Variants in NUP205 observed in about 807,000 individuals in gnomAD.
The protein encoded by NUP205 is nuclear pore complex protein Nup205.
A neutral mutation model predicts 253.8 loss-of-function variants in NUP205; 76 were observed. The observed-to-expected ratio is 0.30, with a 90% CI of 0.25 to 0.36. The LOEUF is 0.36. NUP205 is among the 10% of genes least tolerant of loss of function. NUP205 has a pLI of 1.00. For synonymous variants in NUP205, 832 were observed against 850.1 expected (o/e 0.98, Z 0.37); for missense variants, 2,162 against 2,425.5 (o/e 0.89, Z 2.28).
chr7:135,642,478 G>C (rs918744713), intron 38 of NUP205, among the ~76,000 whole-genome samples: 6 of 151,980 alleles, frequency 3.9e-5, no homozygotes, highest in Non-Finnish European at 7.4e-5. Context: ...CACCGTGCCT[G>C]TCCTAGGATA....
intron 3 of NUP205, 77 bp from the exon 4 acceptor site, chr7:135,576,193 T>C: frequency 1.6e-6 from 2 of 1,272,460 alleles, no homozygotes; most frequent in Non-Finnish European, 2.3e-6. Context: ...GAACTGAACA[T>C]TGTTATATTG....
intron 39 of NUP205, 84 bp from the exon 40 acceptor site, chr7:135,644,811 T>C (rs2129492670): frequency 7.7e-7 from 1 of 1,304,078 alleles, no homozygotes; most frequent in African/African-American, 1.5e-5. Flanking sequence ...ATAGCATTTA[T>C]CATGGTGACC....
In NUP205 at chr7:135,591,477, A is replaced by G; in HGVS notation, c.1501A>G (p.Met501Val). 1 of 1,613,794 alleles carries G rather than the reference A, an allele frequency of 6.2e-7. No homozygotes were observed. Among genetic ancestry groups the G allele is most frequent in the Non-Finnish European group, 8.5e-7 (1 of 1,179,780 alleles). Residue 501 changes from methionine to valine, a missense_variant, in exon 11 of 43, where the codon ATG becomes GTG. This residue lies in a region of NUP205 where 892 missense variants were observed against 957.1 expected (regional missense o/e 0.93). Transcript: ENST00000285968. Reference protein sequence around the residue: ...QVVLSKFVRQMGDLLPPTIYI... With the variant: ...QVVLSKFVRQVGDLLPPTIYI... The stretch of plus-strand genomic sequence containing the variant: ...TGTCTTGTCAAAGTTTGTTAGGCAA[A>G]TGGGTGACCTGTTGCCTCCAACTAT...
At chr7:135,603,218 C>T (rs1036781740) in intron 18 of NUP205, among the ~76,000 whole-genome samples, 9 of 148,290 alleles carry the variant, frequency 6.1e-5, no homozygotes, top group African/African-American at 1.5e-4. Flanking sequence ...TGGATTCAAG[C>T]GATTCTCCTG....
At chr7:135,600,144 A>C (rs1401338929) in intron 15 of NUP205, among the ~76,000 whole-genome samples, 1 of 152,214 alleles carries the variant, frequency 6.6e-6, no homozygotes, top group Non-Finnish European at 1.5e-5. Context: ...TCTTATTAAA[A>C]TTCTATGTAG....
rs1199570955 is a variant in NUP205, at chr7:135,600,919, A to G, written c.2324A>G (p.Asp775Gly). 3 of 1,611,916 alleles carry G rather than the reference A, an allele frequency of 1.9e-6. No individual in the cohort carries two copies. The Admixed American group carries it at 5.0e-5, about 27-fold the overall frequency. ...VLEVFYKLLR[D>G]YEPQLEDFVD... The stretch of plus-strand genomic sequence containing the variant: ...GAGGTGTTTTATAAATTGCTCAGAG[A>G]TTATGAGCCTCAGCTTGAAGATTTT... Residue 775 changes from aspartate (D) to glycine (G), a missense_variant, in exon 16 of 43, where the codon GAT (aspartate) becomes GGT (glycine). Asp to Gly is a moderately conservative substitution (Grantham distance 94, BLOSUM62 -1). Transcript: ENST00000285968.
chr7:135,628,212 G>C (rs1794635814), intron 34 of NUP205, 101 bp downstream of exon 34: 3 of 1,148,784 alleles, frequency 2.6e-6, no homozygotes, highest in Non-Finnish European at 2.4e-6. Flanking sequence ...ATTTACGTTA[G>C]TCCTAATGTT....
intron 30 of NUP205, 32 bp downstream of exon 30, chr7:135,619,920 G>A (rs1341896250): frequency 7.4e-7 from 1 of 1,357,372 alleles, no homozygotes; most frequent in Non-Finnish European, 1.0e-6. Context: ...ATCTTTTCTG[G>A]ATTGGGAGAT....
Position 135,593,211 on chromosome 7 carries a change from G to A in NUP205, c.1830+19G>A. ...TACTTGGGTAGGTAACTCATCCCCA[G>A]CATAATTTTATTTTTATTATAGCAC... On this transcript the variant is annotated intron_variant, in intron 12 of 42. Coordinates refer to ENST00000285968, the MANE Select transcript of NUP205 (RefSeq NM_015135.3). The A allele has an allele frequency of 6.2e-7, 1 of 1,604,622 alleles. No individual in the cohort carries two copies.
chr7:135,629,480 T>C (rs1794660690), intron 34 of NUP205, among the ~76,000 whole-genome samples: 2 of 113,762 alleles, frequency 1.8e-5, no homozygotes, highest in South Asian at 3.5e-4. Context: ...TCTCTCTCTC[T>C]CTCTCTCTCT....
Position 135,622,922 on chromosome 7 carries a change from A to T in NUP205, c.4476A>T (p.Gly1492=), listed in dbSNP as rs766094615. ...CRDACDGHEI[G]RMLALALLDR... ...ATGCTTGTGATGGTCATGAGATTGG[A>T]AGGGTAAAGCAACTCTTATTTAGTA... is the stretch of plus-strand genomic sequence containing the variant. Residue 1492 remains glycine (G), a synonymous_variant, in exon 31 of 43, where the codon GGA becomes GGT. Coordinates refer to ENST00000285968, the MANE Select transcript of NUP205 (RefSeq NM_015135.3). 2 of 1,613,876 alleles carry T rather than the reference A, an allele frequency of 1.2e-6. No individual in the cohort carries two copies. Among genetic ancestry groups the T allele is most frequent in the Admixed American group, 3.3e-5 (2 of 59,978 alleles).
In NUP205 at chr7:135,619,812, G is replaced by C. The variant is rs561232855; in HGVS notation, c.4254G>C (p.Arg1418Ser). ...TAGGTGGTGGATTCCAACGAGTGAG[G>C]ACTCACTTGTATGGCTCTCTGCTTT... ...LKTGGGFQRV[R>S]THLYGSLLYY... The change falls in exon 30 of 43, where the codon AGG becomes AGC. Residue 1418 changes from arginine (R) to serine (S), a missense_variant. Physicochemically the swap from Arg to Ser is moderately radical, Grantham distance 110. Transcript: ENST00000285968. 1.2e-6 allele frequency: 2 copies of C among 1,612,398 alleles called. No individual in the cohort carries two copies. Among genetic ancestry groups the C allele is most frequent in the Non-Finnish European group, 1.7e-6 (2 of 1,178,880 alleles).
At chr7:135,636,070 G>T (rs1794805275) in intron 36 of NUP205, among the ~76,000 whole-genome samples, 2 of 151,936 alleles carry the variant, frequency 1.3e-5, no homozygotes, top group Non-Finnish European at 2.9e-5. Context: ...TTATTTGCTT[G>T]GTTTTTATGT....
intron 1 of NUP205, among the ~76,000 whole-genome samples, chr7:135,567,124 G>GTATATA (rs1310178860): frequency 7.8e-4 from 19 of 24,230 alleles, no homozygotes; most frequent in East Asian, 3.2e-3. Context: ...CTCAGTCTAT[G>GTATATA]TGTGTATATA....
In NUP205 at chr7:135,598,223, A is replaced by C. The variant is rs770296410; in HGVS notation, c.2274+16A>C. On this transcript the variant is annotated intron_variant, in intron 15 of 42. Transcript: ENST00000285968. ...AGCTGAAAAGGTTATGTTCAGAGAA[A>C]AGCTTTTTTCTCCTTATGCATTTAC... The C allele has an allele frequency of 3.7e-6, 6 of 1,609,314 alleles. No individual in the cohort carries two copies. The highest frequency in any genetic ancestry group is 4.2e-6 in the Non-Finnish European group (5 of 1,176,742).
At chr7:135,567,610 CA>C (rs199786519) in intron 1 of NUP205, among the ~76,000 whole-genome samples, 11 of 144,232 alleles carry the variant, frequency 7.6e-5, no homozygotes, top group Admixed American at 6.9e-5. Context: ...GACCCTGTCT[CA>C]AAAAAAAAAT....
At chr7:135,581,389 A>T (rs942300220) in intron 7 of NUP205, among the ~76,000 whole-genome samples, 9 of 152,056 alleles carry the variant, frequency 5.9e-5, no homozygotes, top group African/African-American at 2.2e-4. Flanking sequence ...TCAAAAAATT[A>T]AAAATTAGCC....
At chr7:135,606,470 GATTATAC>G (rs1794088275) in intron 20 of NUP205, among the ~76,000 whole-genome samples, 1 of 151,952 alleles carries the variant, frequency 6.6e-6, no homozygotes, top group Non-Finnish European at 1.5e-5. Flanking sequence ...TGGATTTTTG[GATTATAC>G]ATCAACCTGT....
chr7:135,634,392 A>G (rs565070820), intron 35 of NUP205, among the ~76,000 whole-genome samples: 6 of 152,332 alleles, frequency 3.9e-5, no homozygotes, highest in Admixed American at 2.6e-4. Flanking sequence ...TGGAACAGCA[A>G]TACCTGGTGC....
Sources: allele counts gnomAD v4.1 joint callset (sites outside exome capture counted in the v4.1 genomes callset), GRCh38; gene constraint gnomAD v4.1.1; regional missense constraint gnomAD v4.1.1; transcripts MANE v1.5; gene names NCBI Gene and HGNC (gene_info 2026-07-23, HGNC 2026-07-21).